CTNND2: variants seen among roughly 807,000 people sequenced by gnomAD.
CTNND2 encodes the protein catenin delta-2.
Under a neutral mutation model 144.4 loss-of-function variants are expected in CTNND2, and 22 were observed. The ratio of observed to expected loss-of-function variants is 0.15; its 90% CI spans 0.11 to 0.22. The LOEUF (loss-of-function observed/expected upper bound fraction) is 0.22. Among genes scored for constraint, CTNND2 ranks in the 10% least tolerant of loss-of-function variants. CTNND2 has a pLI of 1.00. For synonymous variants in CTNND2, 751 were observed against 695.6 expected (o/e 1.08, Z -1.25); for missense variants, 1,353 against 1,618.8 (o/e 0.84, Z 2.82).
At chr5:11,320,222 AG>A (rs1458528220) in intron 9 of CTNND2, among the ~76,000 whole-genome samples, 1 of 152,174 alleles carries the variant, frequency 6.6e-6, no homozygotes, top group Non-Finnish European at 1.5e-5. Flanking sequence ...TTTTTTCTTT[AG>A]TTTCTGTAAA....
intron 8 of CTNND2, among the ~76,000 whole-genome samples, chr5:11,349,205 ATAT>A (rs914890409): frequency 1.3e-5 from 2 of 152,182 alleles, no homozygotes; most frequent in African/African-American, 2.4e-5. Context: ...TAAATTATTA[ATAT>A]TATTACCATT....
At chr5:11,026,207 G>A (rs1010640959) in intron 16 of CTNND2, among the ~76,000 whole-genome samples, 3 of 152,108 alleles carry the variant, frequency 2.0e-5, no homozygotes, top group Non-Finnish European at 2.9e-5. Context: ...TGTGGATGCA[G>A]AGCATAAGCT....
At chr5:11,664,461 G>A (rs1195832206) in intron 2 of CTNND2, among the ~76,000 whole-genome samples, 2 of 152,092 alleles carry the variant, frequency 1.3e-5, no homozygotes, top group African/African-American at 4.8e-5. Flanking sequence ...TGTGGTGGCT[G>A]GTGCCTGTAA....
chr5:11,202,433 A>T (rs1042422960), intron 10 of CTNND2, among the ~76,000 whole-genome samples: 1 of 152,326 alleles, frequency 6.6e-6, no homozygotes, highest in Admixed American at 6.5e-5. Context: ...GATAAACATA[A>T]GTAAGTCAAT....
rs1561636515 is a variant in CTNND2 at position 11,629,321 on chromosome 5, CA to C, written c.175-64266del. 1.1e-4 allele frequency among the ~76,000 whole-genome samples: 16 copies of C among 152,186 alleles called. No individual in the cohort carries two copies. In the South Asian group the frequency reaches 3.1e-3, roughly 30 times the overall value. ...AGACAATAAGCCTCTTAAATAAAGACAAAAGATACACAGGAGGTAGAACAGA... is the reference window on the plus strand; with the variant it reads ...AGACAATAAGCCTCTTAAATAAAGACAAAGATACACAGGAGGTAGAACAGA... On this transcript the variant is annotated intron_variant, in intron 2 of 21. Transcript: ENST00000304623.
chr5:11,441,609 C>G (rs561399317), intron 3 of CTNND2, among the ~76,000 whole-genome samples: 1 of 150,548 alleles, frequency 6.6e-6, no homozygotes, highest in Non-Finnish European at 1.5e-5. Context: ...GTCTCGAACT[C>G]CTGACCTGGT....
At chr5:11,058,582 C>T (rs557093547) in intron 16 of CTNND2, among the ~76,000 whole-genome samples, 73 of 152,298 alleles carry the variant, frequency 4.8e-4, no homozygotes, top group Middle Eastern at 3.4e-3. Context: ...TCGGGCAGTG[C>T]GAAGGGAAAT....
At chr5:10,976,530 G>A (rs966370539) in intron 21 of CTNND2, among the ~76,000 whole-genome samples, 5 of 152,170 alleles carry the variant, frequency 3.3e-5, no homozygotes, top group Non-Finnish European at 5.9e-5. Flanking sequence ...TTGCCTTAAC[G>A]CTGCATCTTG....
intron 9 of CTNND2, among the ~76,000 whole-genome samples, chr5:11,311,675 GCT>G (rs369536788): frequency 2.2e-4 from 26 of 120,000 alleles, no homozygotes; most frequent in African/African-American, 7.5e-4. Flanking sequence ...ATGTACATAT[GCT>G]CTCACACACT....
chr5:11,775,644 T>TC (rs1307078017), intron 1 of CTNND2, among the ~76,000 whole-genome samples: 1 of 152,186 alleles, frequency 6.6e-6, no homozygotes, highest in African/African-American at 2.4e-5. Flanking sequence ...CTGCGGTTGC[T>TC]CGTAAGGGTG....
At chr5:11,267,027 C>T (rs1354892280) in intron 9 of CTNND2, among the ~76,000 whole-genome samples, 1 of 152,142 alleles carries the variant, frequency 6.6e-6, no homozygotes, top group Non-Finnish European at 1.5e-5. Context: ...TACAGGCGCC[C>T]GCCACCACGC....
chr5:11,350,556 A>T lies in CTNND2; in HGVS notation c.1373-3929T>A, dbSNP rs1050242625. 5.3e-5 allele frequency among the ~76,000 whole-genome samples: 8 copies of T among 152,184 alleles called. No individual in the cohort carries two copies. The East Asian group carries it at 1.5e-3, about 29-fold the overall frequency. The stretch of plus-strand genomic sequence containing the variant: ...TGTCAAATGGTCTTTTAGAACTGTC[A>T]TTCCCAAATCCATGCTTTAAACTTC... On this transcript the variant is annotated intron_variant, in intron 8 of 21. Coordinates refer to ENST00000304623, the MANE Select transcript of CTNND2 (RefSeq NM_001332.4).
chr5:11,532,900 G>C (rs1773876902), intron 3 of CTNND2, among the ~76,000 whole-genome samples: 1 of 152,222 alleles, frequency 6.6e-6, no homozygotes, highest in African/African-American at 2.4e-5. Context: ...AAGAAGGAGG[G>C]AGGTGGGAAA....
chr5:11,334,352 A>C (rs1753521997), intron 9 of CTNND2, among the ~76,000 whole-genome samples: 1 of 152,240 alleles, frequency 6.6e-6, no homozygotes, highest in African/African-American at 2.4e-5. Flanking sequence ...GAGTATCTTA[A>C]GGTAATTTTA....
At chr5:11,114,675 G>A (rs1376331157) in intron 13 of CTNND2, among the ~76,000 whole-genome samples, 2 of 152,188 alleles carry the variant, frequency 1.3e-5, no homozygotes, top group Non-Finnish European at 2.9e-5. Context: ...TAATCTGGAA[G>A]TTGTAGAGTG....
intron 1 of CTNND2, among the ~76,000 whole-genome samples, chr5:11,850,525 T>G (rs2127003290): frequency 6.6e-6 from 1 of 152,294 alleles, no homozygotes; most frequent in Non-Finnish European, 1.5e-5. Context: ...ATTATTAAAT[T>G]GGCAGGAGAC....
chr5:11,074,143 G>GGT (rs1344985172), intron 16 of CTNND2, among the ~76,000 whole-genome samples: 1 of 152,206 alleles, frequency 6.6e-6, no homozygotes, highest in Admixed American at 6.5e-5. Context: ...AAGTAAAGAA[G>GGT]GTGCCTACAG....
chr5:11,430,302 G>A (rs1346872754), intron 3 of CTNND2, among the ~76,000 whole-genome samples: 1 of 128,166 alleles, frequency 7.8e-6, no homozygotes, highest in Non-Finnish European at 1.7e-5. Flanking sequence ...ACCATTAAGA[G>A]TTAGTATAAA....
intron 9 of CTNND2, among the ~76,000 whole-genome samples, chr5:11,326,513 G>A (rs1318599820): frequency 1.3e-5 from 2 of 152,146 alleles, no homozygotes; most frequent in African/African-American, 4.8e-5. Context: ...GAAAGCCACT[G>A]ATCTACAATG....
Sources: allele counts gnomAD v4.1 joint callset (sites outside exome capture counted in the v4.1 genomes callset), GRCh38; gene constraint gnomAD v4.1.1; transcripts MANE v1.5; gene names NCBI Gene and HGNC (gene_info 2026-07-23, HGNC 2026-07-21).